ZSWIM6: variants seen among roughly 807,000 people sequenced by gnomAD.
ZSWIM6 encodes the protein zinc finger SWIM domain-containing protein 6.
ZSWIM6 carries 9 observed loss-of-function variants against 113.2 expected under a neutral mutation model. The ratio of observed to expected loss-of-function variants is 0.08; its 90% confidence interval spans 0.05 to 0.14. ZSWIM6 has a LOEUF of 0.14. Among genes scored for constraint, ZSWIM6 ranks in the 10% least tolerant of loss-of-function variants. The pLI, the probability that ZSWIM6 is intolerant of heterozygous loss-of-function variation, is 1.00. For synonymous variants in ZSWIM6, 611 were observed against 606.5 expected (o/e 1.01, Z -0.11); for missense variants, 1,162 against 1,552.2 (o/e 0.75, Z 4.22).
chr5:61,473,330 T>TA (rs1747621880), intron 2 of ZSWIM6, among the ~76,000 whole-genome samples: 2 of 152,322 alleles, frequency 1.3e-5, no homozygotes, highest in South Asian at 4.1e-4. Context: ...GCAGAACACT[T>TA]ACTTAATTCA....
intron 1 of ZSWIM6, among the ~76,000 whole-genome samples, chr5:61,346,030 C>T (rs1276995128): frequency 2.0e-5 from 3 of 152,096 alleles, no homozygotes; most frequent in African/African-American, 4.8e-5. Flanking sequence ...CTGCAACCTC[C>T]GCCTCCCGGG....
chr5:61,365,693 G>A (rs1017561029), intron 1 of ZSWIM6, among the ~76,000 whole-genome samples: 1 of 152,128 alleles, frequency 6.6e-6, no homozygotes, highest in African/African-American at 2.4e-5. Context: ...TCAGTACTTA[G>A]GTTTGTCTAA....
intron 10 of ZSWIM6, 115 bp downstream of exon 10, chr5:61,535,734 C>G (rs760048065): frequency 2.6e-5 from 35 of 1,323,234 alleles, no homozygotes; most frequent in Non-Finnish European, 3.4e-5. Flanking sequence ...GCTAAAGAAA[C>G]TATGTATTTA....
At chr5:61,358,144 C>T (rs1744958422) in intron 1 of ZSWIM6, among the ~76,000 whole-genome samples, 3 of 152,102 alleles carry the variant, frequency 2.0e-5, no homozygotes, top group Admixed American at 6.6e-5. Context: ...TTCTCTTTTT[C>T]CTGTTCTTTT....
chr5:61,340,302 C>T (rs902301057), intron 1 of ZSWIM6, among the ~76,000 whole-genome samples: 7 of 152,082 alleles, frequency 4.6e-5, no homozygotes, highest in Admixed American at 2.0e-4. Context: ...CTGCGGAATT[C>T]GCTTAACTAA....
At chr5:61,491,817 T>A (rs987623848) in intron 3 of ZSWIM6, among the ~76,000 whole-genome samples, 68 of 152,194 alleles carry the variant, frequency 4.5e-4, no homozygotes, top group African/African-American at 1.6e-3. Context: ...TTAAAAGTTT[T>A]TTTTTTAGTT....
intron 1 of ZSWIM6, among the ~76,000 whole-genome samples, chr5:61,346,165 G>A (rs944615679): frequency 6.6e-6 from 1 of 151,996 alleles, no homozygotes; most frequent in African/African-American, 2.4e-5. Flanking sequence ...GGCCAGGCTG[G>A]TCTCGAACTC....
chr5:61,405,060 A>G (rs1002293113), intron 1 of ZSWIM6, among the ~76,000 whole-genome samples: 2 of 152,246 alleles, frequency 1.3e-5, no homozygotes. Flanking sequence ...GGGTTTCCGA[A>G]CCAACAGCCA....
chr5:61,356,741 A>AT (rs1554030373), intron 1 of ZSWIM6, among the ~76,000 whole-genome samples: 3 of 108,306 alleles, frequency 2.8e-5, no homozygotes, highest in South Asian at 2.6e-4. Flanking sequence ...AATATATATT[A>AT]TATATATATA....
intron 1 of ZSWIM6, among the ~76,000 whole-genome samples, chr5:61,350,245 G>C (rs1445968620): frequency 6.6e-6 from 1 of 152,172 alleles, no homozygotes; most frequent in Non-Finnish European, 1.5e-5. Context: ...AAGTGTTCCA[G>C]TTTGGATAAT....
At chr5:61,365,941 GTCTCAT>G (rs886105615) in intron 1 of ZSWIM6, among the ~76,000 whole-genome samples, 2 of 151,838 alleles carry the variant, frequency 1.3e-5, no homozygotes, top group African/African-American at 2.4e-5. Flanking sequence ...TTTTAAGATG[GTCTCAT>G]TCTGTCACCC....
chr5:61,489,917 C>T (rs981742647), intron 2 of ZSWIM6, among the ~76,000 whole-genome samples: 1 of 151,932 alleles, frequency 6.6e-6, no homozygotes, highest in Non-Finnish European at 1.5e-5. Context: ...TGCTTTAGAT[C>T]ATTAGAAGAC....
intron 1 of ZSWIM6, among the ~76,000 whole-genome samples, chr5:61,406,856 G>C (rs1036712957): frequency 2.0e-5 from 3 of 152,056 alleles, no homozygotes; most frequent in Admixed American, 2.0e-4. Context: ...GGGATTACAG[G>C]TGCCTGCCAC....
chr5:61,413,987 C>T (rs1054130010), intron 1 of ZSWIM6, among the ~76,000 whole-genome samples: 6 of 151,842 alleles, frequency 4.0e-5, no homozygotes, highest in South Asian at 2.1e-4. Flanking sequence ...AAGGAAGGAA[C>T]GCAGTGTGAG....
chr5:61,500,838 C>G (rs1013895001), intron 4 of ZSWIM6, among the ~76,000 whole-genome samples: 1 of 152,056 alleles, frequency 6.6e-6, no homozygotes, highest in Non-Finnish European at 1.5e-5. Flanking sequence ...GGTAAGGAGC[C>G]GGTGAAGACC....
chr5:61,545,252 C>T lies in ZSWIM6; in HGVS notation c.*935C>T, dbSNP rs1749855692. On this transcript the variant is annotated 3_prime_UTR_variant, in exon 14 of 14. Transcript: ENST00000252744. ...TATATATGTATATATATTTATACAA[C>T]TTATGTATACATATATATATGTATA... 6.6e-6 allele frequency: 1 copy of T among 151,532 alleles called. No individual in the cohort carries two copies. The highest frequency in any genetic ancestry group is 2.4e-5 in the African/African-American group (1 of 41,252). 9.4% of individuals were successfully genotyped at this position (151,532 alleles called of 1,614,324 possible).
intron 1 of ZSWIM6, among the ~76,000 whole-genome samples, chr5:61,355,431 AACACACACAC>A (rs34072520): frequency 0.077 from 9,839 of 127,212 alleles, 375 homozygotes; most frequent in East Asian, 0.13. Flanking sequence ...GAGACTTTAA[AACACACACAC>A]ACACACACAC....
At chr5:61,515,360 C>T (rs1372385733) in intron 4 of ZSWIM6, among the ~76,000 whole-genome samples, 1 of 152,070 alleles carries the variant, frequency 6.6e-6, no homozygotes, top group Non-Finnish European at 1.5e-5. Flanking sequence ...TTCTCAAACT[C>T]CTGACCTTAG....
chr5:61,368,176 T>A (rs1745198904), intron 1 of ZSWIM6, among the ~76,000 whole-genome samples: 1 of 152,182 alleles, frequency 6.6e-6, no homozygotes, highest in Non-Finnish European at 1.5e-5. Context: ...GAGGATTCAG[T>A]GAGATTTCAT....
Sources: gnomAD v4.1 joint callset for allele counts (sites outside exome capture counted in the v4.1 genomes callset) on GRCh38, gnomAD v4.1.1 for gene constraint, MANE v1.5 for transcripts, NCBI Gene and HGNC (gene_info 2026-07-23, HGNC 2026-07-21) for gene names.